ACTA2: variants seen among roughly 807,000 people sequenced by gnomAD.
The protein encoded by ACTA2 is actin alpha 2, smooth muscle, also known as actin, aortic smooth muscle.
Under a neutral mutation model 39.5 loss-of-function variants are expected in ACTA2, and 12 were observed. That is an observed-to-expected ratio of 0.30 (90% CI 0.19 to 0.49). The LOEUF (loss-of-function observed/expected upper bound fraction) is 0.49. ACTA2 is among the 20% of genes least tolerant of loss of function. The pLI is 0.99. For synonymous variants in ACTA2, 158 were observed against 180.6 expected, an observed-to-expected ratio of 0.88 and a Z score of 1.00; for missense variants, 236 against 498.8, an observed-to-expected ratio of 0.47 and a Z score of 5.02.
At chr10:88,944,436 T>C (rs981710111) in intron 3 of ACTA2, among the ~76,000 whole-genome samples, 1 of 152,232 alleles carries the variant, frequency 6.6e-6, no homozygotes, top group African/African-American at 2.4e-5. Flanking sequence ...TTAATGTTCA[T>C]GGGAAAATGA....
chr10:88,947,147 C>A, intron 3 of ACTA2, 111 bp downstream of exon 3: 1 of 1,447,592 alleles, frequency 6.9e-7, no homozygotes. Context: ...AGTAAAAGTA[C>A]AGTTGAGCAA....
chr10:88,980,921 A>C (rs893544567), intron 1 of ACTA2, among the ~76,000 whole-genome samples: 1 of 152,222 alleles, frequency 6.6e-6, no homozygotes, highest in Non-Finnish European at 1.5e-5. Context: ...GAAAGTTCTA[A>C]ATTTGGAAAG....
intron 1 of ACTA2, among the ~76,000 whole-genome samples, chr10:88,962,727 A>T (rs1233051493): frequency 6.6e-6 from 1 of 151,754 alleles, no homozygotes; most frequent in Non-Finnish European, 1.5e-5. Context: ...TAAGTGTATT[A>T]CTCTGTTCTC....
At chr10:88,980,617 G>A (rs988205287) in intron 1 of ACTA2, among the ~76,000 whole-genome samples, 14 of 152,184 alleles carry the variant, frequency 9.2e-5, no homozygotes, top group African/African-American at 3.1e-4. Flanking sequence ...GTAGGTACTC[G>A]TAAGTATTCG....
chr10:88,951,894 A>G (rs148363787), intron 1 of ACTA2, among the ~76,000 whole-genome samples: 171 of 152,316 alleles, frequency 1.1e-3, no homozygotes, highest in Non-Finnish European at 1.8e-3. Context: ...AAGCTGCCAA[A>G]CCTTGATTTG....
chr10:88,953,697 A>C (rs1674247970), upstream of ACTA2, among the ~76,000 whole-genome samples: 1 of 152,114 alleles, frequency 6.6e-6, no homozygotes, highest in South Asian at 2.1e-4. Flanking sequence ...GTCCAGAGAA[A>C]GGCTAGGTGG....
intron 3 of ACTA2, among the ~76,000 whole-genome samples, chr10:88,945,816 T>G (rs1447249861): frequency 6.6e-6 from 1 of 152,222 alleles, no homozygotes; most frequent in Non-Finnish European, 1.5e-5. Context: ...TAGAGTGAGT[T>G]AATGAAAACC....
At chr10:88,954,940 C>A (rs1004082238), upstream of ACTA2, among the ~76,000 whole-genome samples, 1 of 147,014 alleles carries the variant, frequency 6.8e-6, no homozygotes, top group Non-Finnish European at 1.5e-5. Flanking sequence ...TCCAGCCAAG[C>A]GGCCAGATAC....
intron 1 of ACTA2, among the ~76,000 whole-genome samples, chr10:88,967,245 G>T (rs1429586617): frequency 1.3e-5 from 2 of 152,156 alleles, no homozygotes; most frequent in Non-Finnish European, 2.9e-5. Flanking sequence ...ATTTGAGATA[G>T]TTGGAACAGG....
chr10:88,964,042 T>G (rs1405646839), intron 1 of ACTA2, among the ~76,000 whole-genome samples: 2 of 152,042 alleles, frequency 1.3e-5, no homozygotes, highest in Non-Finnish European at 2.9e-5. Context: ...TAGTTTCATA[T>G]GTTTTTATAT....
At chr10:88,956,494 T>G (rs1033880852), upstream of ACTA2, among the ~76,000 whole-genome samples, 1 of 152,150 alleles carries the variant, frequency 6.6e-6, no homozygotes, top group African/African-American at 2.4e-5. Flanking sequence ...AACATAATCT[T>G]CCCATTTTAA....
At position 88,938,181 on chromosome 10, in the gene ACTA2, G is replaced by A. The variant is rs1033732388; in HGVS notation, c.870C>T (p.Asp290=). Residue 290 remains aspartate (D), a synonymous_variant, in exon 8 of 9, where the codon GAC becomes GAT. Coordinates refer to ENST00000224784, the MANE Select transcript of ACTA2 (RefSeq NM_001613.4). ...TGTTAGCATAGAGGTCCTTCCTGAT[G>A]TCAATATCACACTTCATGATGCTGT... is the stretch of plus-strand genomic sequence containing the variant. The part of the protein sequence containing the change: ...TYNSIMKCDI[D]IRKDLYANNV... The A allele has an allele frequency of 6.2e-6, 10 of 1,613,902 alleles. No individual in the cohort carries two copies. In the African/African-American group the frequency reaches 1.1e-4, roughly 17 times the overall value.
At position 88,939,863 on chromosome 10, in the gene ACTA2, C is replaced by T. The variant is rs2133251149; in HGVS notation, c.617-165G>A. 4.3e-6 allele frequency: 3 copies of T among 703,474 alleles called. No homozygotes were observed. The East Asian group carries it at 8.2e-5, about 19-fold the overall frequency. The allele number at this position is 703,474 out of a possible 1,614,324, so 43.6% of individuals were successfully genotyped here. A position where few individuals can be genotyped will look rare whatever the true frequency, so the allele number is the denominator to read the frequency against. ...CACAATGATAATGACGTAGTAGGGC[C>T]ACCAGGGAACCACCTCTGTTCCTAG... On this transcript the variant is annotated intron_variant, in intron 6 of 8. Transcript: ENST00000224784.
chr10:88,968,037 G>A (rs990841092), intron 1 of ACTA2, among the ~76,000 whole-genome samples: 1 of 151,828 alleles, frequency 6.6e-6, no homozygotes, highest in Non-Finnish European at 1.5e-5. Flanking sequence ...AGTAATTAGA[G>A]TTTTCTACTT....
At chr10:88,950,673 T>TA (rs1383717619) in intron 1 of ACTA2, among the ~76,000 whole-genome samples, 1 of 152,224 alleles carries the variant, frequency 6.6e-6, no homozygotes, top group Non-Finnish European at 1.5e-5. Context: ...TCACAGTGAT[T>TA]ATGAGCTTAG....
intron 4 of ACTA2, 97 bp from the exon 5 acceptor site, chr10:88,941,966 A>G: frequency 2.6e-6 from 3 of 1,173,510 alleles, no homozygotes; most frequent in Non-Finnish European, 2.5e-6. Flanking sequence ...GAGGGGCCTG[A>G]CCTGTTCTGG....
intron 1 of ACTA2, among the ~76,000 whole-genome samples, chr10:88,962,160 G>C (rs982930500): frequency 2.6e-5 from 4 of 152,174 alleles, no homozygotes; most frequent in African/African-American, 9.6e-5. Flanking sequence ...CTAGTTCAGA[G>C]TTGCCAGATC....
chr10:88,936,815 T>C (rs1018768749), intron 8 of ACTA2, among the ~76,000 whole-genome samples: 2 of 152,214 alleles, frequency 1.3e-5, no homozygotes, highest in Non-Finnish European at 2.9e-5. Flanking sequence ...GGAGTTCCCA[T>C]AGGTCTCTCA....
At position 88,948,825 on chromosome 10, in the gene ACTA2, T is replaced by C. The variant is rs1845999767; in HGVS notation, c.106A>G (p.Ile36Val). 6.2e-7 allele frequency: 1 copy of C among 1,613,894 alleles called. No homozygotes were observed. Among genetic ancestry groups the C allele is most frequent in the Non-Finnish European group, 8.5e-7 (1 of 1,179,880 alleles). The change falls in exon 2 of 9, where the codon ATT becomes GTT. Residue 36 changes from isoleucine (I) to valine (V), a missense_variant. By Grantham distance (29) the Ile-to-Val change is conservative. Coordinates refer to ENST00000224784, the MANE Select transcript of ACTA2 (RefSeq NM_001613.4). ...DDAPRAVFPS[I>V]VGRPRHQGVM... ...ACCTGATGTCTGGGACGTCCCACAA[T>C]GGATGGGAAAACAGCCCTGGGAGCA...
Sources: gnomAD v4.1 joint callset for allele counts (sites outside exome capture counted in the v4.1 genomes callset) on GRCh38, gnomAD v4.1.1 for gene constraint, MANE v1.5 for transcripts, NCBI Gene and HGNC (gene_info 2026-07-23, HGNC 2026-07-21) for gene names.